CEP97: variants seen among roughly 807,000 people sequenced by gnomAD.
CEP97 encodes the protein centrosomal protein 97.
CEP97 carries 43 observed loss-of-function variants against 73.1 expected under a neutral mutation model. The ratio of observed to expected loss-of-function variants is 0.59; its 90% confidence interval spans 0.46 to 0.76. The LOEUF (loss-of-function observed/expected upper bound fraction) is 0.76. Among genes scored for constraint, CEP97 ranks in the 30% least tolerant of loss-of-function variants. CEP97 has a pLI of 0.00. For synonymous variants in CEP97, 337 were observed against 370.0 expected, an observed-to-expected ratio of 0.91 and a Z score of 1.02; for missense variants, 939 against 1,014.0, an observed-to-expected ratio of 0.93 and a Z score of 1.00.
intron 7 of CEP97, 96 bp downstream of exon 7, chr3:101,755,690 G>A: frequency 8.0e-7 from 1 of 1,252,912 alleles, no homozygotes; most frequent in Non-Finnish European, 1.1e-6. Context: ...AAGTGCTGCG[G>A]CCCACATTTC....
In CEP97 at chr3:101,757,128, A is replaced by G. The variant is rs752032259; in HGVS notation, c.959A>G (p.Glu320Gly). 2.5e-6 allele frequency: 4 copies of G among 1,613,214 alleles called. No homozygotes were observed. In the African/African-American group the frequency reaches 4.0e-5, roughly 16 times the overall value. ...GAGTTGTCTCCTCTTGTTCCTGTTGAAACAAGGGCATCCCTTATTCCTGAG... is the reference window on the plus strand; with the variant it reads ...GAGTTGTCTCCTCTTGTTCCTGTTGGAACAAGGGCATCCCTTATTCCTGAG... The part of the protein sequence containing the change: ...NEELSPLVPV[E>G]TRASLIPEHS... Residue 320 changes from glutamate to glycine, a missense_variant, in exon 8 of 11, where the codon GAA (glutamate) becomes GGA (glycine). Physicochemically the swap from Glu to Gly is moderately conservative, Grantham distance 98 (BLOSUM62 -2). Transcript: ENST00000341893.
At chr3:101,756,935 G>T in intron 7 of CEP97, 128 bp from the exon 8 acceptor site, 1 of 762,242 alleles carries the variant, frequency 1.3e-6, no homozygotes. Context: ...TTATAATTTG[G>T]CATTAATTAA....
At chr3:101,730,502 G>T (rs770057487) in intron 4 of CEP97, among the ~76,000 whole-genome samples, 38 of 150,694 alleles carry the variant, frequency 2.5e-4, no homozygotes, top group Non-Finnish European at 4.6e-4. Context: ...CTGACCTTGT[G>T]ATCCACCCGC....
At chr3:101,739,108 A>G (rs2107147674) in intron 6 of CEP97, among the ~76,000 whole-genome samples, 2 of 152,358 alleles carry the variant, frequency 1.3e-5, no homozygotes, top group South Asian at 4.1e-4. Flanking sequence ...CACCCACCCA[A>G]GACTAAACCA....
At chr3:101,745,724 A>AT in intron 6 of CEP97, among the ~76,000 whole-genome samples, 1 of 151,400 alleles carries the variant, frequency 6.6e-6, no homozygotes, top group South Asian at 2.1e-4. Context: ...TATTTTGTTT[A>AT]TTTTTTTGAA....
chr3:101,766,073 G>A lies in CEP97; in HGVS notation c.*522G>A, dbSNP rs938642384. 2.0e-5 allele frequency: 3 copies of A among 151,888 alleles called. No homozygotes were observed. The highest frequency in any genetic ancestry group is 2.9e-5 in the Non-Finnish European group (2 of 68,014). The allele number at this position is 151,888 out of a possible 1,614,324, so 9.4% of individuals were successfully genotyped here. On this transcript the variant is annotated 3_prime_UTR_variant, in exon 11 of 11. Coordinates refer to ENST00000341893, the MANE Select transcript of CEP97 (RefSeq NM_024548.4). ...TTTTAAAGCCTTTTTTCCTCCTTTC[G>A]GAGTCAAGGAAAGCCTTTCTATAAG... is the stretch of plus-strand genomic sequence containing the variant.
chr3:101,743,057 A>C (rs886293970), intron 6 of CEP97, among the ~76,000 whole-genome samples: 2 of 152,052 alleles, frequency 1.3e-5, no homozygotes, highest in Admixed American at 1.3e-4. Context: ...CAGTCTGGGC[A>C]ATATGGTGAA....
At position 101,745,146 on chromosome 3, in the gene CEP97, C is replaced by T. The variant is rs74676675; in HGVS notation, c.729-10284C>T. On this transcript the variant is annotated intron_variant, in intron 6 of 10. Transcript: ENST00000341893. ...ATCTCTGTTTTGCTATTGACAGGAACTTGCACAAAGCTATAACTCTATTGC... is the reference window on the plus strand; with the variant it reads ...ATCTCTGTTTTGCTATTGACAGGAATTTGCACAAAGCTATAACTCTATTGC... Among the ~76,000 whole-genome samples, 967 of 152,252 alleles carry T rather than the reference C, an allele frequency of 6.4e-3. 7 individuals carry two copies. Among genetic ancestry groups the T allele is most frequent in the African/African-American group, 0.022 (905 of 41,542 alleles).
chr3:101,753,864 G>T (rs1938923494), intron 6 of CEP97, among the ~76,000 whole-genome samples: 1 of 152,124 alleles, frequency 6.6e-6, no homozygotes, highest in Admixed American at 6.5e-5. Context: ...CCTGAGTGAG[G>T]CAATGCCTCG....
At chr3:101,728,364 A>G (rs1472819151) in intron 3 of CEP97, among the ~76,000 whole-genome samples, 2 of 151,582 alleles carry the variant, frequency 1.3e-5, no homozygotes, top group Non-Finnish European at 2.9e-5. Context: ...GGTTTAAGCA[A>G]TTCTCCTGCC....
At chr3:101,754,037 G>T (rs956011995) in intron 6 of CEP97, among the ~76,000 whole-genome samples, 27 of 133,826 alleles carry the variant, frequency 2.0e-4, no homozygotes, top group Non-Finnish European at 3.7e-4. Context: ...TTCCTATTTG[G>T]CCATCTTTTT....
intron 4 of CEP97, among the ~76,000 whole-genome samples, chr3:101,730,061 C>T (rs1397160588): frequency 6.6e-6 from 1 of 152,070 alleles, no homozygotes; most frequent in Non-Finnish European, 1.5e-5. Flanking sequence ...CTGCCTTGGC[C>T]TCGCAAAGTG....
In CEP97 at chr3:101,758,611, C is replaced by G. The variant is rs577022567; in HGVS notation, c.1817+188C>G. On this transcript the variant is annotated intron_variant, in intron 9 of 10. Coordinates refer to ENST00000341893, the MANE Select transcript of CEP97 (RefSeq NM_024548.4). ...GCAGACACTATCTGCTCTATCTCCT[C>G]ATCTCCATCCCCAGCAAAGCACTTG... 3 of 633,222 alleles carry G rather than the reference C, an allele frequency of 4.7e-6. No homozygotes were observed. The East Asian group carries it at 8.4e-5, about 18-fold the overall frequency. 39.2% of individuals were successfully genotyped at this position (633,222 alleles called of 1,614,324 possible).
chr3:101,745,330 A>G (rs1201525457), intron 6 of CEP97, among the ~76,000 whole-genome samples: 1 of 152,200 alleles, frequency 6.6e-6, no homozygotes, highest in African/African-American at 2.4e-5. Flanking sequence ...ACAGGATCAC[A>G]GCTTACTGCA....
chr3:101,763,275 T>G (rs1020527763), intron 10 of CEP97: 4 of 1,036,650 alleles, frequency 3.9e-6, no homozygotes, highest in Non-Finnish European at 4.9e-6. Context: ...GTTTTGTAGT[T>G]ACCAACAATA....
chr3:101,734,632 A>G (rs1173646939), intron 6 of CEP97, among the ~76,000 whole-genome samples: 1 of 152,202 alleles, frequency 6.6e-6, no homozygotes, highest in Non-Finnish European at 1.5e-5. Flanking sequence ...GACATATGTC[A>G]GGTCTAGTTT....
chr3:101,758,782 A>C (rs1939092486), intron 9 of CEP97: 2 of 193,024 alleles, frequency 1.0e-5, no homozygotes, highest in African/African-American at 2.4e-5. Flanking sequence ...AATTCAGTAC[A>C]TGACATAAGA....
intron 1 of CEP97, among the ~76,000 whole-genome samples, chr3:101,725,425 C>T (rs1378997178): frequency 6.6e-6 from 1 of 152,142 alleles, no homozygotes; most frequent in Non-Finnish European, 1.5e-5. Context: ...GGACAGGGCC[C>T]AGGGGTCGAG....
In CEP97 at chr3:101,768,639, C is replaced by T. The variant is rs1278938440; in HGVS notation, c.*3088C>T. On this transcript the variant is annotated 3_prime_UTR_variant, in exon 11 of 11. Transcript: ENST00000341893. ...TCACTTGAGGCCAGGAGTTCAAGAC[C>T]AGCCTGGACAACATAGCAAGACCCC... is the stretch of plus-strand genomic sequence containing the variant. The T allele has an allele frequency of 6.6e-6, 1 of 152,086 alleles. No individual in the cohort carries two copies. Among genetic ancestry groups the T allele is most frequent in the East Asian group, 1.9e-4 (1 of 5,196 alleles). The allele number at this position is 152,086 out of a possible 1,614,324, so 9.4% of individuals were successfully genotyped here. A position where few individuals can be genotyped will look rare whatever the true frequency, so the allele number is the denominator to read the frequency against.
Sources: allele counts gnomAD v4.1 joint callset (sites outside exome capture counted in the v4.1 genomes callset), GRCh38; gene constraint gnomAD v4.1.1; transcripts MANE v1.5; gene names NCBI Gene and HGNC (gene_info 2026-07-23, HGNC 2026-07-21).